BARD1: variants seen among roughly 807,000 people sequenced by gnomAD.
The protein encoded by BARD1 is BRCA1 associated RING domain 1, also known as BRCA1-associated RING domain protein 1.
In BARD1, 73 loss-of-function variants were observed where a neutral mutation model predicts 77.0. The ratio of observed to expected loss-of-function variants is 0.95; its 90% CI spans 0.79 to 1.15. The LOEUF is 1.15. BARD1 is among the 50% of genes most tolerant of loss of function. The pLI is 0.00. For synonymous variants in BARD1, 384 were observed against 338.0 expected, an observed-to-expected ratio of 1.14 and a Z score of -1.49; for missense variants, 993 against 938.8, an observed-to-expected ratio of 1.06 and a Z score of -0.75.
Position 214,781,449 on chromosome 2 carries a change from G to C in BARD1, c.425C>G (p.Ser142Ter). The C allele has an allele frequency of 6.2e-7, 1 of 1,613,044 alleles. No individual in the cohort carries two copies. Among genetic ancestry groups the C allele is most frequent in the Non-Finnish European group, 8.5e-7 (1 of 1,179,768 alleles). The change falls in exon 4 of 11, where the codon TCA becomes TGA. Residue 142 changes from serine to a stop codon, truncating the protein, a stop_gained. Transcript: ENST00000260947. LOFTEE classifies it high-confidence loss of function. The part of the protein sequence containing the change: ...LFNDAGNKKN[S>*]IKMWFSPRSK... ...TCGAGGGCTAAACCACATTTTAATT[G>C]AATTCTTCTTGTTTCCTGCATCATT...
rs776912727 is a variant in BARD1 at position 214,727,092 on chromosome 2, T to C, written c.*1584A>G. On this transcript the variant is annotated 3_prime_UTR_variant, in exon 11 of 11. Transcript: ENST00000260947. ...TTGGTGCTATGGTGTTCATTTTCTA[T>C]CAGAATGAAATGTGGGACAAATGCA... The C allele has an allele frequency of 4.6e-6, 1 of 215,222 alleles. No homozygotes were observed. The highest frequency in any genetic ancestry group is 9.4e-6 in the Non-Finnish European group (1 of 106,720). 13.3% of individuals were successfully genotyped at this position (215,222 alleles called of 1,614,324 possible).
At position 214,781,524 on chromosome 2, in the gene BARD1, G is replaced by T. The variant is rs1695037411; in HGVS notation, c.365-15C>A. On this transcript the variant is annotated splice_polypyrimidine_tract_variant and intron_variant, in intron 3 of 10. Transcript: ENST00000260947. ...TTCTTTCAAATCTGACAGAAAAAAAGAAAAAGAAATCTGTTACATGAAATT... is the reference window on the plus strand; with the variant it reads ...TTCTTTCAAATCTGACAGAAAAAAATAAAAAGAAATCTGTTACATGAAATT... 6.3e-7 allele frequency: 1 copy of T among 1,596,178 alleles called. No homozygotes were observed. The highest frequency in any genetic ancestry group is 8.6e-7 in the Non-Finnish European group (1 of 1,168,412).
rs570021360 is a variant in BARD1, at chr2:214,761,956, GA to G, written c.1568+5525del. 5.2e-3 allele frequency among the ~76,000 whole-genome samples: 785 copies of G among 152,224 alleles called. 8 individuals carry two copies. Among genetic ancestry groups the G allele is most frequent in the African/African-American group, 0.018 (743 of 41,550 alleles). ...TTTAGAATTAGGTGTTGACTGGATA[GA>G]AACGTACTAAATCAACAGCTCTCCT... On this transcript the variant is annotated intron_variant, in intron 6 of 10. Transcript: ENST00000260947.
intron 4 of BARD1, among the ~76,000 whole-genome samples, chr2:214,777,710 T>C (rs1187701081): frequency 2.6e-5 from 4 of 152,236 alleles, no homozygotes; most frequent in Non-Finnish European, 4.4e-5. Context: ...CCAGTTGTAG[T>C]AACTCTTTCC....
At chr2:214,763,476 T>G (rs945740427) in intron 6 of BARD1, among the ~76,000 whole-genome samples, 6 of 152,168 alleles carry the variant, frequency 3.9e-5, no homozygotes, top group African/African-American at 1.4e-4. Flanking sequence ...AAGAGAAAAC[T>G]TCAACCTTGA....
At position 214,728,803 on chromosome 2, in the gene BARD1, T is replaced by A. The variant is rs587780028; in HGVS notation, c.2207A>T (p.Tyr736Phe). The A allele has an allele frequency of 1.2e-6, 2 of 1,614,098 alleles. No homozygotes were observed. Among genetic ancestry groups the A allele is most frequent in the Non-Finnish European group, 1.7e-6 (2 of 1,180,044 alleles). ...ATTACACAAATCTTCATAGATGATA[T>A]ACTGTGTGCAGAAGCGCTGATCAGA... ...PDSDQRFCTQ[Y>F]IIYEDLCNYH... The change falls in exon 11 of 11, where the codon TAT becomes TTT. Residue 736 changes from tyrosine to phenylalanine, a missense_variant. Transcript: ENST00000260947.
At chr2:214,742,763 C>T (rs1267244646) in intron 9 of BARD1, among the ~76,000 whole-genome samples, 1 of 152,196 alleles carries the variant, frequency 6.6e-6, no homozygotes, top group Non-Finnish European at 1.5e-5. Flanking sequence ...AATGCCACTT[C>T]AGCATATTCA....
chr2:214,757,498 T>C (rs1015866213), intron 6 of BARD1, among the ~76,000 whole-genome samples: 2 of 152,178 alleles, frequency 1.3e-5, no homozygotes, highest in Non-Finnish European at 2.9e-5. Flanking sequence ...GTTACTGATG[T>C]TGATAGAACC....
intron 4 of BARD1, among the ~76,000 whole-genome samples, chr2:214,776,658 A>G (rs1694749839): frequency 6.6e-6 from 1 of 152,206 alleles, no homozygotes; most frequent in South Asian, 2.1e-4. Flanking sequence ...AAGCTACTTC[A>G]GTGGTGTGGT....
In BARD1 at chr2:214,797,309, A is replaced by T. The variant is rs1262572346; in HGVS notation, c.159-192T>A. Among the ~76,000 whole-genome samples the T allele has an allele frequency of 2.6e-5, 4 of 152,220 alleles. No homozygotes were observed. The East Asian group carries it at 7.7e-4, about 29-fold the overall frequency. Reference sequence around the variant, plus strand: ...GTACCATAACATACCTGATGATTTTAAATAGTAACCACCAAACTGGGTACA... The same window carrying T: ...GTACCATAACATACCTGATGATTTTTAATAGTAACCACCAAACTGGGTACA... On this transcript the variant is annotated intron_variant, in intron 1 of 10. Transcript: ENST00000260947.
intron 4 of BARD1, 125 bp downstream of exon 4, chr2:214,780,435 A>G: frequency 1.2e-6 from 1 of 841,504 alleles, no homozygotes; most frequent in Non-Finnish European, 1.9e-6. Flanking sequence ...TCTGGTTCAG[A>G]GGAAGTATCA....
intron 5 of BARD1, 63 bp downstream of exon 5, chr2:214,769,169 A>G (rs1574792462): frequency 4.3e-6 from 6 of 1,402,238 alleles, no homozygotes; most frequent in Middle Eastern, 1.8e-4. Flanking sequence ...AGACAACTAC[A>G]TAACTATAAA....
chr2:214,777,246 A>C (rs1029951321), intron 4 of BARD1, among the ~76,000 whole-genome samples: 1 of 152,184 alleles, frequency 6.6e-6, no homozygotes, highest in Non-Finnish European at 1.5e-5. Context: ...GCAAGAAAAG[A>C]GAAGTAGCTG....
intron 3 of BARD1, among the ~76,000 whole-genome samples, chr2:214,789,306 G>T (rs1695413784): frequency 6.6e-6 from 1 of 151,438 alleles, no homozygotes; most frequent in African/African-American, 2.4e-5. Flanking sequence ...CGAGGTGGGA[G>T]AATCATTTAA....
At chr2:214,733,037 T>C (rs773095685) in intron 9 of BARD1, among the ~76,000 whole-genome samples, 4 of 152,146 alleles carry the variant, frequency 2.6e-5, no homozygotes, top group Admixed American at 6.5e-5. Flanking sequence ...ACTTACGAGG[T>C]AGAAAAGACC....
intron 6 of BARD1, among the ~76,000 whole-genome samples, chr2:214,767,106 A>G (rs1402823035): frequency 6.6e-6 from 1 of 152,178 alleles, no homozygotes; most frequent in Non-Finnish European, 1.5e-5. Context: ...TTAGTTTACT[A>G]AGGATAATGG....
At chr2:214,806,820 G>C (rs997600956) in intron 1 of BARD1, among the ~76,000 whole-genome samples, 3 of 146,316 alleles carry the variant, frequency 2.1e-5, no homozygotes, top group African/African-American at 7.6e-5. Flanking sequence ...GTTGCAGTGA[G>C]CTGAAATCAT....
intron 9 of BARD1, among the ~76,000 whole-genome samples, chr2:214,737,292 G>C (rs150969798): frequency 6.6e-6 from 1 of 152,060 alleles, no homozygotes; most frequent in Non-Finnish European, 1.5e-5. Flanking sequence ...TCAGCCTGCC[G>C]ATTTGAAACT....
At chr2:214,775,131 T>C (rs376806528) in intron 4 of BARD1, among the ~76,000 whole-genome samples, 2 of 152,226 alleles carry the variant, frequency 1.3e-5, no homozygotes, top group East Asian at 1.9e-4. Context: ...GGGTAGCTCT[T>C]TTAAATTACT....
Sources: allele counts gnomAD v4.1 joint callset (sites outside exome capture counted in the v4.1 genomes callset), GRCh38; gene constraint gnomAD v4.1.1; transcripts MANE v1.5; gene names NCBI Gene and HGNC (gene_info 2026-07-23, HGNC 2026-07-21).